CADM2: variants seen among roughly 807,000 people sequenced by gnomAD.
CADM2 encodes the protein immunoglobulin superfamily member 4D.
CADM2 carries 12 observed loss-of-function variants against 49.8 expected under a neutral mutation model. The ratio of observed to expected loss-of-function variants is 0.24; its 90% CI spans 0.15 to 0.39. The LOEUF is 0.39. Ranked by LOEUF, CADM2 falls within the 10% of genes least tolerant of loss-of-function variation. The pLI is 1.00. For missense variants in CADM2, 378 were observed against 492.3 expected (o/e 0.77, Z 2.20); for synonymous variants, 214 against 175.4 (o/e 1.22, Z -1.74).
rs141812088 is a variant in CADM2 at position 85,944,384 on chromosome 3, A to T, written c.791+8527A>T. Among the ~76,000 whole-genome samples the T allele has an allele frequency of 1.2e-4, 19 of 152,200 alleles. 1 individual carries two copies. In the East Asian group the frequency reaches 2.9e-3, roughly 23 times the overall value. On this transcript the variant is annotated intron_variant, in intron 7 of 9. Transcript: ENST00000383699. ...TCAACGAAACAGAAAGTTAACAGGG[A>T]TATCCAGGAATTGAATTCAGCTCTG...
At chr3:85,228,741 G>C (rs1414069787) in intron 1 of CADM2, among the ~76,000 whole-genome samples, 3 of 152,042 alleles carry the variant, frequency 2.0e-5, no homozygotes, top group Non-Finnish European at 4.4e-5. Flanking sequence ...GAGCTCTCCT[G>C]TATGAGGTGT....
chr3:85,499,013 A>G (rs1005702311), intron 1 of CADM2, among the ~76,000 whole-genome samples: 44 of 152,136 alleles, frequency 2.9e-4, no homozygotes, highest in African/African-American at 1.0e-3. Context: ...ATATTCAGGG[A>G]GCCAGGATTT....
At chr3:85,778,358 G>A (rs1251965192) in intron 2 of CADM2, among the ~76,000 whole-genome samples, 1 of 151,948 alleles carries the variant, frequency 6.6e-6, no homozygotes, top group Non-Finnish European at 1.5e-5. Flanking sequence ...ACATGGTTTG[G>A]CTCCGTGTCC....
chr3:85,257,953 C>A (rs540478152), intron 1 of CADM2, among the ~76,000 whole-genome samples: 7 of 152,142 alleles, frequency 4.6e-5, no homozygotes, highest in South Asian at 2.1e-4. Context: ...AGTATAATGT[C>A]TTTTTCTTAA....
At chr3:85,521,403 G>A (rs933395658) in intron 1 of CADM2, among the ~76,000 whole-genome samples, 1 of 151,956 alleles carries the variant, frequency 6.6e-6, no homozygotes, top group Non-Finnish European at 1.5e-5. Context: ...AGCTACTTAC[G>A]GCTATACGCT....
At chr3:85,921,102 A>C (rs1219364914) in intron 6 of CADM2, among the ~76,000 whole-genome samples, 2 of 151,952 alleles carry the variant, frequency 1.3e-5, no homozygotes, top group Non-Finnish European at 2.9e-5. Flanking sequence ...ACTGGATAAA[A>C]ATGAGACATA....
At position 86,043,965 on chromosome 3, in the gene CADM2, G is replaced by A. The variant is rs557095786; in HGVS notation, c.971-21640G>A. On this transcript the variant is annotated intron_variant, in intron 8 of 9. Transcript: ENST00000383699. ...GACGAAAACAAGAAATGGGGAAACG[G>A]TTCCCTATTTAATAAATGGTGCTGG... is the stretch of plus-strand genomic sequence containing the variant. 7.0e-4 allele frequency among the ~76,000 whole-genome samples: 106 copies of A among 152,034 alleles called. 3 individuals carry two copies. The South Asian group carries it at 0.021, about 31-fold the overall frequency.
At chr3:85,869,771 C>G (rs2075851966) in intron 3 of CADM2, among the ~76,000 whole-genome samples, 1 of 151,988 alleles carries the variant, frequency 6.6e-6, no homozygotes, top group Non-Finnish European at 1.5e-5. Context: ...CCATTCTCTT[C>G]CCTCAGCCTC....
At chr3:85,236,208 G>A (rs761909668) in intron 1 of CADM2, among the ~76,000 whole-genome samples, 3 of 152,020 alleles carry the variant, frequency 2.0e-5, no homozygotes, top group Non-Finnish European at 4.4e-5. Flanking sequence ...ACAAAGGATA[G>A]AAAACTTCCT....
chr3:85,652,618 A>T (rs995096331), intron 1 of CADM2, among the ~76,000 whole-genome samples: 1 of 152,064 alleles, frequency 6.6e-6, no homozygotes, highest in Non-Finnish European at 1.5e-5. Context: ...ATGGTCATGG[A>T]ATAGCAAAGA....
intron 1 of CADM2, among the ~76,000 whole-genome samples, chr3:85,492,292 A>G (rs2039707060): frequency 6.6e-6 from 1 of 152,148 alleles, no homozygotes; most frequent in Admixed American, 6.5e-5. Flanking sequence ...TTTTCTCTTT[A>G]TAAATGGAAT....
At chr3:85,360,994 C>T (rs1345899819) in intron 1 of CADM2, among the ~76,000 whole-genome samples, 1 of 152,170 alleles carries the variant, frequency 6.6e-6, no homozygotes, top group South Asian at 2.1e-4. Context: ...CCCCAGCATA[C>T]AGTCTATCAT....
Position 86,072,249 on chromosome 3 carries a change from CAAT to C in CADM2, c.*5471_*5473del, listed in dbSNP as rs1399126838. On this transcript the variant is annotated 3_prime_UTR_variant, in exon 10 of 10. Transcript: ENST00000383699. ...TTTCTATGTTATGTGGTTATGTTAT[CAAT>C]AATATTTGGTTGATCTTCACATATT... is the stretch of plus-strand genomic sequence containing the variant. The C allele has an allele frequency of 1.3e-5, 2 of 151,172 alleles. No homozygotes were observed. Among genetic ancestry groups the C allele is most frequent in the African/African-American group, 4.9e-5 (2 of 41,170 alleles). The allele number at this position is 151,172 out of a possible 1,614,324, so 9.4% of individuals were successfully genotyped here. A position where few individuals can be genotyped will look rare whatever the true frequency, so the allele number is the denominator to read the frequency against.
chr3:85,193,095 G>A (rs906386512), intron 1 of CADM2, among the ~76,000 whole-genome samples: 1 of 152,044 alleles, frequency 6.6e-6, no homozygotes, highest in Non-Finnish European at 1.5e-5. Context: ...AAGAAGAAGT[G>A]TGACTACATT....
intron 3 of CADM2, among the ~76,000 whole-genome samples, chr3:85,840,447 T>C (rs1347952387): frequency 6.6e-6 from 1 of 151,954 alleles, no homozygotes; most frequent in African/African-American, 2.4e-5. Flanking sequence ...AATATTCTCA[T>C]GTACTCACAT....
chr3:85,457,736 T>C (rs2038057951), intron 1 of CADM2, among the ~76,000 whole-genome samples: 1 of 152,170 alleles, frequency 6.6e-6, no homozygotes. Context: ...TTGTAATGAT[T>C]GACACTATAA....
chr3:85,228,662 T>G (rs920891184), intron 1 of CADM2, among the ~76,000 whole-genome samples: 4 of 151,834 alleles, frequency 2.6e-5, no homozygotes, highest in Non-Finnish European at 4.4e-5. Flanking sequence ...CTACAGAACA[T>G]CAACTATTGC....
At chr3:86,015,961 G>A (rs1396865034) in intron 8 of CADM2, among the ~76,000 whole-genome samples, 1 of 151,990 alleles carries the variant, frequency 6.6e-6, no homozygotes, top group Non-Finnish European at 1.5e-5. Flanking sequence ...GGAAAACATT[G>A]CTGTTATTTT....
At chr3:85,519,758 C>G (rs754261455) in intron 1 of CADM2, among the ~76,000 whole-genome samples, 1 of 151,950 alleles carries the variant, frequency 6.6e-6, no homozygotes, top group African/African-American at 2.4e-5. Flanking sequence ...AAAGTAAACC[C>G]GCAGCTACAT....
Sources: gnomAD v4.1 joint callset for allele counts (sites outside exome capture counted in the v4.1 genomes callset) on GRCh38, gnomAD v4.1.1 for gene constraint, MANE v1.5 for transcripts, NCBI Gene and HGNC (gene_info 2026-07-23, HGNC 2026-07-21) for gene names.